Variants in GPATCH3 observed in about 807,000 individuals in gnomAD.
GPATCH3 encodes the protein G patch domain-containing protein 3.
A neutral mutation model predicts 53.2 loss-of-function variants in GPATCH3; 45 were observed. That is an observed-to-expected ratio of 0.85 (90% CI 0.67 to 1.08). The LOEUF (loss-of-function observed/expected upper bound fraction) is 1.08. GPATCH3 is among the 50% of genes least tolerant of loss of function. GPATCH3 has a pLI of 0.00. For synonymous variants in GPATCH3, 280 were observed against 270.6 expected (o/e 1.03, Z -0.34); for missense variants, 680 against 687.2 (o/e 0.99, Z 0.12).
At chr1:26,897,177 C>T in intron 2 of GPATCH3, 124 bp downstream of exon 2, 1 of 833,112 alleles carries the variant, frequency 1.2e-6, no homozygotes, top group South Asian at 1.6e-5. Context: ...TTCTTGGACT[C>T]CTTGGAACCC....
At chr1:26,894,488 G>T in intron 2 of GPATCH3, 78 bp from the exon 3 acceptor site, 1 of 1,370,770 alleles carries the variant, frequency 7.3e-7, no homozygotes, top group Non-Finnish European at 1.0e-6. Context: ...GGCACAGGAG[G>T]CATGTGTGGC....
chr1:26,891,153 T>C lies in GPATCH3; in HGVS notation c.1435A>G (p.Thr479Ala). 1.2e-6 allele frequency: 2 copies of C among 1,614,004 alleles called. No homozygotes were observed. Among genetic ancestry groups the C allele is most frequent in the Non-Finnish European group, 1.7e-6 (2 of 1,179,974 alleles). Residue 479 changes from threonine to alanine, a missense_variant, in exon 7 of 7, where the codon ACC becomes GCC. Transcript: ENST00000361720. ...TGGGGTAGAGGCTCATCATAGATGG[T>C]GGAGATGAGCCCCAAGCCATTTCTA... ...PRRNGLGLISTIYDEPLPQDQ... is the reference protein window; with the variant it reads ...PRRNGLGLISAIYDEPLPQDQ...
In GPATCH3 at chr1:26,900,398, C is replaced by G. The variant is rs372404785; in HGVS notation, c.45G>C (p.Leu15=). The change falls in exon 1 of 7, where the codon CTG becomes CTC. Residue 15 remains leucine, a synonymous_variant. Transcript: ENST00000361720. Reference sequence around the variant, plus strand: ...ACACGGAGGGGATACCGCTCACTACCAGGTAAACTGTCGCCTCCTCCTCCG... The same window carrying G: ...ACACGGAGGGGATACCGCTCACTACGAGGTAAACTGTCGCCTCCTCCTCCG... ...GEAEEEATVY[L]VVSGIPSVLR... 3.6e-5 allele frequency: 58 copies of G among 1,613,072 alleles called. 1 individual carries two copies. Among genetic ancestry groups the G allele is most frequent in the Middle Eastern group, 1.7e-4 (1 of 5,960 alleles).
intron 2 of GPATCH3, 77 bp from the exon 3 acceptor site, chr1:26,894,487 G>A (rs980562120): frequency 7.3e-7 from 1 of 1,368,378 alleles, no homozygotes; most frequent in South Asian, 1.3e-5. Flanking sequence ...GGGCACAGGA[G>A]GCATGTGTGG....
At position 26,897,532 on chromosome 1, in the gene GPATCH3, G is replaced by A; in HGVS notation, c.645C>T (p.Ile215=). 6.2e-7 allele frequency: 1 copy of A among 1,614,230 alleles called. No individual in the cohort carries two copies. Among genetic ancestry groups the A allele is most frequent in the Non-Finnish European group, 8.5e-7 (1 of 1,180,044 alleles). Residue 215 remains isoleucine (I), a synonymous_variant, in exon 2 of 7, where the codon ATC becomes ATT. Transcript: ENST00000361720. ...GGAACTGGAGCTGCAGCTGGGTGAT[G>A]ATCCGAGGGGGTAGGCGGCAGGCCC... The part of the protein sequence containing the change: ...LIRACRLPPR[I]ITQLQLQFPK...
In GPATCH3 at chr1:26,896,532, A is replaced by AT. The variant is rs2081951455; in HGVS notation, c.876+768dup. ...CGGTGAAACCCTGTCTCTACTAAAAATAAAAAAAAAAAAAAAAATTAGCCG... is the reference window on the plus strand; with the variant it reads ...CGGTGAAACCCTGTCTCTACTAAAAATTAAAAAAAAAAAAAAAAATTAGCCG... On this transcript the variant is annotated intron_variant, in intron 2 of 6. Transcript: ENST00000361720. Among the ~76,000 whole-genome samples the AT allele has an allele frequency of 4.2e-5, 6 of 143,204 alleles. No individual in the cohort carries two copies. The South Asian group carries it at 1.3e-3, about 31-fold the overall frequency. The allele number at this position is 143,204 out of a possible 152,430, so 93.9% of individuals were successfully genotyped here.
chr1:26,892,815 T>C (rs1219542026), intron 4 of GPATCH3, 24 bp from the exon 5 acceptor site: 1 of 1,610,800 alleles, frequency 6.2e-7, no homozygotes, highest in Non-Finnish European at 8.5e-7. Context: ...GCTCAGTTTA[T>C]GGAAGCGTCC....
At chr1:26,891,879 T>C (rs1004296627) in intron 6 of GPATCH3, among the ~76,000 whole-genome samples, 1 of 152,192 alleles carries the variant, frequency 6.6e-6, no homozygotes, top group African/African-American at 2.4e-5. Flanking sequence ...AGCTAATTTT[T>C]TGTATTTTTA....
chr1:26,897,814 C>T (rs963586390), intron 1 of GPATCH3, 89 bp from the exon 2 acceptor site: 3 of 1,072,490 alleles, frequency 2.8e-6, no homozygotes, highest in African/African-American at 1.6e-5. Flanking sequence ...ATCTGTTAGC[C>T]TTTCCCTAGT....
chr1:26,897,296 C>T lies in GPATCH3; in HGVS notation c.876+5G>A. ...AGCAAGGACAGGGTAGCACACTGTACTCACCTCATCTGAGTGAGACTCTTC... is the reference window on the plus strand; with the variant it reads ...AGCAAGGACAGGGTAGCACACTGTATTCACCTCATCTGAGTGAGACTCTTC... On this transcript the variant is annotated splice_donor_5th_base_variant and intron_variant, in intron 2 of 6. Coordinates refer to ENST00000361720, the MANE Select transcript of GPATCH3 (RefSeq NM_022078.3). The T allele has an allele frequency of 1.2e-6, 2 of 1,613,558 alleles. No homozygotes were observed. The highest frequency in any genetic ancestry group is 4.5e-5 in the East Asian group (2 of 44,888).
chr1:26,894,013 G>A (rs2081939732), intron 3 of GPATCH3, among the ~76,000 whole-genome samples: 1 of 151,696 alleles, frequency 6.6e-6, no homozygotes, highest in African/African-American at 2.4e-5. Flanking sequence ...CCTCTGGGAG[G>A]GTTATTCAGA....
intron 2 of GPATCH3, among the ~76,000 whole-genome samples, chr1:26,896,115 C>T (rs2081949686): frequency 6.6e-6 from 1 of 152,150 alleles, no homozygotes. Context: ...AATCTGCTGA[C>T]TCTAGGTCAG....
At chr1:26,897,942 G>A (rs894561563) in intron 1 of GPATCH3, among the ~76,000 whole-genome samples, 1 of 152,014 alleles carries the variant, frequency 6.6e-6, no homozygotes, top group African/African-American at 2.4e-5. Flanking sequence ...TTCAAGACCA[G>A]CCTGGGCAAA....
At chr1:26,892,562 C>T (rs749423997) in intron 5 of GPATCH3, 24 bp from the exon 6 acceptor site, 63 of 1,606,010 alleles carry the variant, frequency 3.9e-5, no homozygotes, top group Non-Finnish European at 5.4e-5. Context: ...GGACAAGACT[C>T]AAGAAATGGG....
At chr1:26,896,955 G>T (rs1047282318) in intron 2 of GPATCH3, among the ~76,000 whole-genome samples, 13 of 151,120 alleles carry the variant, frequency 8.6e-5, no homozygotes, top group African/African-American at 3.2e-4. Context: ...CCAGGAGGCA[G>T]AGCTTGCAGT....
chr1:26,899,940 G>A, intron 1 of GPATCH3, 52 bp downstream of exon 1: 1 of 1,524,636 alleles, frequency 6.6e-7, no homozygotes, highest in Admixed American at 1.7e-5. Flanking sequence ...CTCTGAAAAG[G>A]TGCCTCTGTT....
chr1:26,892,890 A>C, intron 4 of GPATCH3, 99 bp from the exon 5 acceptor site: 2 of 1,435,878 alleles, frequency 1.4e-6, no homozygotes, highest in Non-Finnish European at 1.9e-6. Context: ...TATTCATTTT[A>C]ATAGTGTTCT....
intron 1 of GPATCH3, among the ~76,000 whole-genome samples, chr1:26,899,069 T>C (rs944689500): frequency 6.6e-6 from 1 of 152,220 alleles, no homozygotes; most frequent in Non-Finnish European, 1.5e-5. Context: ...CATTCTCTCC[T>C]ATTAACTCCT....
In GPATCH3 at chr1:26,891,057, C is replaced by T. The variant is rs1314350892; in HGVS notation, c.1531G>A (p.Val511Met). 46 of 1,614,068 alleles carry T rather than the reference C, an allele frequency of 2.8e-5. No individual in the cohort carries two copies. Among genetic ancestry groups the T allele is most frequent in the Non-Finnish European group, 3.8e-5 (45 of 1,180,034 alleles). ...SMKFRTDMAF[V>M]RGSSCASDSP... is the part of the protein sequence containing the mutation. ...TCTGAAGCACAACTGGAACCCCTCA[C>T]AAAGGCCATGTCTGTCCGAAACTTC... The change falls in exon 7 of 7, where the codon GTG (valine) becomes ATG (methionine). Residue 511 changes from valine to methionine, a missense_variant. Val to Met is a conservative substitution (Grantham distance 21, BLOSUM62 1). Transcript: ENST00000361720.
Sources: gnomAD v4.1 joint callset for allele counts (sites outside exome capture counted in the v4.1 genomes callset) on GRCh38, gnomAD v4.1.1 for gene constraint, MANE v1.5 for transcripts, NCBI Gene and HGNC (gene_info 2026-07-23, HGNC 2026-07-21) for gene names.